Variants in JPH2 observed in about 807,000 individuals in gnomAD.
The protein encoded by JPH2 is junctophilin-2.
JPH2 carries 38 observed loss-of-function variants against 55.9 expected under a neutral mutation model. The ratio of observed to expected loss-of-function variants is 0.68; its 90% CI spans 0.52 to 0.89. The LOEUF (loss-of-function observed/expected upper bound fraction) is 0.89, where lower values mean the gene tolerates loss of function less well. JPH2 is among the 40% of genes least tolerant of loss of function. The probability of loss-of-function intolerance (pLI) is 0.00; values close to 1 mark genes in which losing one functional copy is unlikely to be tolerated. For missense variants in JPH2, 964 were observed against 1,037.6 expected, an observed-to-expected ratio of 0.93 and a Z score of 0.97; for synonymous variants, 480 against 472.4, an observed-to-expected ratio of 1.02 and a Z score of -0.21.
At chr20:44,153,891 C>T (rs138334329) in intron 2 of JPH2, among the ~76,000 whole-genome samples, 1 of 152,208 alleles carries the variant, frequency 6.6e-6, no homozygotes, top group African/African-American at 2.4e-5. Flanking sequence ...ACTCTTAACA[C>T]TCACTGTGCT....
At chr20:44,128,577 G>C (rs1236203579) in intron 2 of JPH2, among the ~76,000 whole-genome samples, 1 of 151,820 alleles carries the variant, frequency 6.6e-6, no homozygotes, top group Admixed American at 6.6e-5. Context: ...ATTAATATAA[G>C]ACATATTGTA....
intron 2 of JPH2, among the ~76,000 whole-genome samples, chr20:44,130,065 CAACAAAACAA>C (rs3037629): frequency 4.0e-5 from 6 of 151,024 alleles, no homozygotes. Context: ...GTTACTGCAG[CAACAAAACAA>C]AACAAAACAA....
chr20:44,115,905 G>A lies in JPH2; in HGVS notation c.1770C>T (p.Ser590=), dbSNP rs755757325. Residue 590 remains serine (S), a synonymous_variant, in exon 4 of 6, where the codon TCC becomes TCT. Transcript: ENST00000372980. ...PFEDQPEPEV[S]GSESAPSSPA... Reference sequence around the variant, plus strand: ...GGGACGAGGGCGCGGACTCGGACCCGGAGACCTCGGGCTCGGGCTGGTCCT... The same window carrying A: ...GGGACGAGGGCGCGGACTCGGACCCAGAGACCTCGGGCTCGGGCTGGTCCT... 14 of 1,573,738 alleles carry A rather than the reference G, an allele frequency of 8.9e-6. No individual in the cohort carries two copies. Among genetic ancestry groups the A allele is most frequent in the Admixed American group, 3.6e-5 (2 of 56,162 alleles).
intron 2 of JPH2, among the ~76,000 whole-genome samples, chr20:44,143,978 G>A (rs879200267): frequency 1.3e-5 from 2 of 151,926 alleles, no homozygotes; most frequent in Non-Finnish European, 2.9e-5. Context: ...CCAGAGGCTC[G>A]AGAGGCAAGG....
intron 1 of JPH2, among the ~76,000 whole-genome samples, chr20:44,166,488 G>T (rs1041899950): frequency 1.3e-5 from 2 of 152,240 alleles, no homozygotes. Flanking sequence ...TTTAGCTTCA[G>T]TTTGGCATGA....
At chr20:44,162,169 A>G (rs2072615358) in intron 1 of JPH2, among the ~76,000 whole-genome samples, 1 of 152,068 alleles carries the variant, frequency 6.6e-6, no homozygotes. Flanking sequence ...CATTCTCCCT[A>G]GTTAACAAAA....
In JPH2 at chr20:44,112,048, A is replaced by C. The variant is rs1452178958; in HGVS notation, c.*1470T>G. 1 of 152,340 alleles carries C rather than the reference A, an allele frequency of 6.6e-6. No homozygotes were observed. The highest frequency in any genetic ancestry group is 1.5e-5 in the Non-Finnish European group (1 of 68,136). 9.4% of individuals were successfully genotyped at this position (152,340 alleles called of 1,614,324 possible). ...TCCAGCCAAGCCACAAGGTCCCAGC[A>C]GGGCTTGAAACGGCAAGTGTGAAGC... On this transcript the variant is annotated 3_prime_UTR_variant, in exon 6 of 6. Transcript: ENST00000372980.
intron 1 of JPH2, among the ~76,000 whole-genome samples, chr20:44,167,311 G>T (rs1171678094): frequency 6.6e-6 from 1 of 152,194 alleles, no homozygotes; most frequent in Non-Finnish European, 1.5e-5. Context: ...TTGCTAAGAT[G>T]CTAAGCTCCT....
chr20:44,115,547 T>C (rs1388685111), intron 4 of JPH2, 118 bp downstream of exon 4: 5 of 1,354,442 alleles, frequency 3.7e-6, no homozygotes, highest in East Asian at 4.9e-5. Flanking sequence ...TCCTGCTCTA[T>C]CCTGCTTCGG....
chr20:44,180,470 T>C (rs1334927420), intron 1 of JPH2, among the ~76,000 whole-genome samples: 3 of 152,160 alleles, frequency 2.0e-5, no homozygotes, highest in African/African-American at 7.2e-5. Context: ...TAGTTGGGAC[T>C]ATAGGCATGT....
chr20:44,116,466 G>A, intron 3 of JPH2, 80 bp from the exon 4 acceptor site: 8 of 1,503,486 alleles, frequency 5.3e-6, no homozygotes, highest in South Asian at 1.2e-5. Flanking sequence ...TTCACCTCTC[G>A]AGCCTCATTC....
intron 2 of JPH2, among the ~76,000 whole-genome samples, chr20:44,123,765 G>C (rs115269160): frequency 6.6e-6 from 1 of 152,222 alleles, no homozygotes; most frequent in Non-Finnish European, 1.5e-5. Flanking sequence ...AAGGGAACGA[G>C]CCTAGGAATC....
intron 1 of JPH2, among the ~76,000 whole-genome samples, chr20:44,180,398 C>A (rs969819296): frequency 5.9e-5 from 9 of 151,892 alleles, no homozygotes; most frequent in Non-Finnish European, 1.2e-4. Flanking sequence ...GTAGCGTGAT[C>A]ATGGCTCACT....
At chr20:44,177,310 T>G in intron 1 of JPH2, 2 of 986,074 alleles carry the variant, frequency 2.0e-6, no homozygotes, top group Non-Finnish European at 2.4e-6. Flanking sequence ...TCGGCATTCC[T>G]CATGAGGGTG....
Position 44,159,864 on chromosome 20 carries a change from C to A in JPH2, c.923G>T (p.Arg308Leu), listed in dbSNP as rs765796531. 6 of 1,613,340 alleles carry A rather than the reference C, an allele frequency of 3.7e-6. No individual in the cohort carries two copies. Among genetic ancestry groups the A allele is most frequent in the East Asian group, 2.2e-5 (1 of 44,830 alleles). ...GCCCTCGTAGCGGAGGCCACTGGAG[C>A]GTTCGCTCACGCCGAAGCCCGAGCG... Reference protein sequence around the residue: ...DKRSGFGVSERSSGLRYEGEW... With the variant: ...DKRSGFGVSELSSGLRYEGEW... The change falls in exon 2 of 6, where the codon CGC (arginine) becomes CTC (leucine). Residue 308 changes from arginine (R) to leucine (L), a missense_variant. Transcript: ENST00000372980. This position sits in a 1 kb window ranked among gnomAD's most constrained non-coding sequence, Gnocchi z 5.7.
chr20:44,179,695 C>A (rs188067531), intron 1 of JPH2, among the ~76,000 whole-genome samples: 1 of 152,236 alleles, frequency 6.6e-6, no homozygotes, highest in Non-Finnish European at 1.5e-5. Flanking sequence ...CTGGGTCTCA[C>A]GAATTATGAA....
At chr20:44,113,697 C>T (rs2072164185) in intron 5 of JPH2, among the ~76,000 whole-genome samples, 194 bp from the exon 6 acceptor site, 1 of 152,224 alleles carries the variant, frequency 6.6e-6, no homozygotes, top group Admixed American at 6.5e-5. Context: ...CCTCTCCTGG[C>T]CCTGGCTGCC....
intron 2 of JPH2, among the ~76,000 whole-genome samples, chr20:44,119,766 C>T (rs912733784): frequency 4.6e-5 from 7 of 151,022 alleles, no homozygotes; most frequent in Non-Finnish European, 8.8e-5. Context: ...CCCAGGTACT[C>T]GGGAGGCTAA....
At chr20:44,174,866 G>A (rs1372301737) in intron 1 of JPH2, among the ~76,000 whole-genome samples, 2 of 152,116 alleles carry the variant, frequency 1.3e-5, no homozygotes, top group African/African-American at 4.8e-5. Context: ...GGTGGTGCAC[G>A]TCTGTGGTCC....
Sources: allele counts gnomAD v4.1 joint callset (sites outside exome capture counted in the v4.1 genomes callset), GRCh38; gene constraint gnomAD v4.1.1; non-coding constraint Gnocchi (gnomAD v3.1); transcripts MANE v1.5; gene names NCBI Gene and HGNC (gene_info 2026-07-23, HGNC 2026-07-21).